Variants in KIF26B observed in about 807,000 individuals in gnomAD.
The protein encoded by KIF26B is kinesin family member 26B, also known as kinesin-like protein KIF26B.
KIF26B carries 63 observed loss-of-function variants against 151.2 expected under a neutral mutation model. That is an observed-to-expected ratio of 0.42 (90% confidence interval 0.34 to 0.51). The LOEUF (loss-of-function observed/expected upper bound fraction) is 0.51. Among genes scored for constraint, KIF26B ranks in the 20% least tolerant of loss-of-function variants. The pLI is 0.07. For synonymous variants in KIF26B, 1,357 were observed against 1,262.1 expected (o/e 1.08, Z -1.59); for missense variants, 2,813 against 2,913.6 (o/e 0.97, Z 0.79).
intron 4 of KIF26B, among the ~76,000 whole-genome samples, chr1:245,459,791 C>T (rs1187624182): frequency 6.6e-6 from 1 of 152,126 alleles, no homozygotes; most frequent in Non-Finnish European, 1.5e-5. Context: ...GGCTTCTTCT[C>T]TCAGTGGTGG....
chr1:245,404,040 C>T, intron 3 of KIF26B, among the ~76,000 whole-genome samples: 1 of 152,272 alleles, frequency 6.6e-6, no homozygotes, highest in African/African-American at 2.4e-5. Context: ...CATTGCCCTA[C>T]ACACATGGAA....
chr1:245,434,835 C>T (rs1334522564), intron 4 of KIF26B, among the ~76,000 whole-genome samples: 2 of 152,180 alleles, frequency 1.3e-5, no homozygotes, highest in Admixed American at 1.3e-4. Flanking sequence ...TATCTTCCTT[C>T]CTTCCCTTCT....
chr1:245,685,451 G>A lies in KIF26B; in HGVS notation c.2468G>A (p.Arg823His), dbSNP rs376166521. Residue 823 changes from arginine (R) to histidine (H), a missense_variant, in exon 12 of 15, where the codon CGC becomes CAC. Around this residue, in one of 3 missense-constraint regions of KIF26B, gnomAD observed 2,060 missense variants for 2,088.6 expected, o/e 0.99. Coordinates refer to ENST00000407071, the MANE Select transcript of KIF26B (RefSeq NM_018012.4). ...GGGGAGAGCTCCTGCGAAGAAGGCC[G>A]CATGCGCAGGCCCACCCAGCTGAGA... Reference protein sequence around the residue: ...SGGESSCEEGRMRRPTQLRPF... With the variant: ...SGGESSCEEGHMRRPTQLRPF... The A allele has an allele frequency of 8.9e-5, 144 of 1,613,530 alleles. 1 individual carries two copies. The South Asian group carries it at 1.4e-3, about 16-fold the overall frequency.
chr1:245,282,420 T>G (rs574663828), intron 2 of KIF26B, among the ~76,000 whole-genome samples: 1 of 152,316 alleles, frequency 6.6e-6, no homozygotes, highest in African/African-American at 2.4e-5. Context: ...ACCTTTGATA[T>G]GCAAATGGAA....
intron 4 of KIF26B, among the ~76,000 whole-genome samples, chr1:245,439,645 A>G (rs1420129054): frequency 6.6e-6 from 1 of 152,220 alleles, no homozygotes. Context: ...AGTAGAATAA[A>G]CGGGAAGAAA....
chr1:245,238,061 G>A (rs963808819), intron 2 of KIF26B, among the ~76,000 whole-genome samples: 9 of 148,096 alleles, frequency 6.1e-5, no homozygotes, highest in African/African-American at 2.3e-4. Flanking sequence ...GGCCAGGCAT[G>A]CTGGCTCATG....
Position 245,218,288 on chromosome 1 carries a change from T to A in KIF26B, c.465+61605T>A, listed in dbSNP as rs1397033913. On this transcript the variant is annotated intron_variant, in intron 2 of 14. Coordinates refer to ENST00000407071, the MANE Select transcript of KIF26B (RefSeq NM_018012.4). The surrounding 1 kb of genome is among the most constrained non-coding windows in gnomAD (Gnocchi z 4.1). ...CCTTAGGGTCCCCTCAGCAGATGGATCCCATCTCCTGGTCTGGTTAGCATA... is the reference window on the plus strand; with the variant it reads ...CCTTAGGGTCCCCTCAGCAGATGGAACCCATCTCCTGGTCTGGTTAGCATA... 6.6e-6 allele frequency among the ~76,000 whole-genome samples: 1 copy of A among 152,120 alleles called. No individual in the cohort carries two copies. Among genetic ancestry groups the A allele is most frequent in the African/African-American group, 2.4e-5 (1 of 41,490 alleles).
intron 2 of KIF26B, among the ~76,000 whole-genome samples, chr1:245,210,178 G>A (rs1349703785): frequency 6.6e-6 from 1 of 152,170 alleles, no homozygotes; most frequent in Non-Finnish European, 1.5e-5. Flanking sequence ...CTCCCAGTCA[G>A]CCCACCCCCA....
intron 2 of KIF26B, among the ~76,000 whole-genome samples, chr1:245,355,610 A>AAAG (rs896551223): frequency 5.6e-5 from 7 of 125,970 alleles, no homozygotes; most frequent in East Asian, 2.0e-4. Context: ...AAAAAAAAAA[A>AAAG]AAGAAGAAGA....
intron 3 of KIF26B, among the ~76,000 whole-genome samples, chr1:245,373,402 C>A (rs1453333716): frequency 1.3e-5 from 2 of 152,312 alleles, no homozygotes; most frequent in African/African-American, 4.8e-5. Context: ...GTGGAAAGAA[C>A]CTCGCTGGCA....
chr1:245,701,816 T>G (rs974807496), intron 14 of KIF26B, among the ~76,000 whole-genome samples: 6 of 151,982 alleles, frequency 3.9e-5, no homozygotes, highest in African/African-American at 7.3e-5. Context: ...TGTCCACGCC[T>G]CTCCTCCTCG....
chr1:245,653,529 G>A (rs1446318774), intron 10 of KIF26B, among the ~76,000 whole-genome samples: 2 of 152,072 alleles, frequency 1.3e-5, no homozygotes, highest in Non-Finnish European at 2.9e-5. Context: ...TGTGACATAG[G>A]TACTGTAATC....
chr1:245,290,659 C>T (rs977604109), intron 2 of KIF26B, among the ~76,000 whole-genome samples: 2 of 152,164 alleles, frequency 1.3e-5, no homozygotes, highest in African/African-American at 2.4e-5. Context: ...CCTGTTTTAT[C>T]GGCAGGGTGT....
rs1558284700 is a variant in KIF26B, at chr1:245,707,121, AT to A, written c.*4521del. 2 of 152,112 alleles carry A rather than the reference AT, an allele frequency of 1.3e-5. No individual in the cohort carries two copies. Among genetic ancestry groups the A allele is most frequent in the African/African-American group, 4.8e-5 (2 of 41,418 alleles). 9.4% of individuals were successfully genotyped at this position (152,112 alleles called of 1,614,324 possible). On this transcript the variant is annotated 3_prime_UTR_variant, in exon 15 of 15. Transcript: ENST00000407071. ...CATTTAAGCTCATCTTCTCAAAAAAATTTTTTCTGAAAATTCCTGGAAACTA... is the reference window on the plus strand; with the variant it reads ...CATTTAAGCTCATCTTCTCAAAAAAATTTTTCTGAAAATTCCTGGAAACTA...
At chr1:245,691,191 G>C (rs775447878) in intron 12 of KIF26B, among the ~76,000 whole-genome samples, 1 of 152,134 alleles carries the variant, frequency 6.6e-6, no homozygotes, top group Non-Finnish European at 1.5e-5. Flanking sequence ...TTGGTTTGGC[G>C]GTTACAGTGG....
At chr1:245,630,610 A>C (rs889799156) in intron 9 of KIF26B, among the ~76,000 whole-genome samples, 11 of 152,186 alleles carry the variant, frequency 7.2e-5, no homozygotes, top group African/African-American at 2.4e-4. Context: ...GAGTGAGAGC[A>C]TTAGGACAAA....
Position 245,568,184 on chromosome 1 carries a change from CAAAAAAAAAAAAAAAAAA to C in KIF26B, c.1350+27247_1350+27264del, listed in dbSNP as rs61494632. Among the ~76,000 whole-genome samples, 3 of 28,704 alleles carry C rather than the reference CAAAAAAAAAAAAAAAAAA, an allele frequency of 1.0e-4. 1 individual carries two copies. Among genetic ancestry groups the C allele is most frequent in the Admixed American group, 1.5e-3 (2 of 1,294 alleles). The allele number at this position is 28,704 out of a possible 152,430, so 18.8% of individuals were successfully genotyped here. On this transcript the variant is annotated intron_variant, in intron 5 of 14. Coordinates refer to ENST00000407071, the MANE Select transcript of KIF26B (RefSeq NM_018012.4). The stretch of plus-strand genomic sequence containing the variant: ...TGGGCAACAGAGTGAAACTCCATCT[CAAAAAAAAAAAAAAAAAA>C]AAAAAAAAAAAAGAAGCTCTCAAAG...
intron 10 of KIF26B, among the ~76,000 whole-genome samples, chr1:245,672,431 A>G (rs913806503): frequency 3.3e-5 from 5 of 152,194 alleles, no homozygotes; most frequent in African/African-American, 4.8e-5. Context: ...CATCCTCCCA[A>G]ACCAGTCTGA....
intron 2 of KIF26B, among the ~76,000 whole-genome samples, chr1:245,165,110 G>A (rs1668594093): frequency 6.6e-6 from 1 of 151,976 alleles, no homozygotes; most frequent in African/African-American, 2.4e-5. Context: ...TGAGCAAGAA[G>A]ATGGGTTGGA....
Sources: gnomAD v4.1 joint callset for allele counts (sites outside exome capture counted in the v4.1 genomes callset) on GRCh38, gnomAD v4.1.1 for gene constraint, gnomAD v4.1.1 regional missense constraint, Gnocchi (gnomAD v3.1) non-coding constraint, MANE v1.5 for transcripts, NCBI Gene and HGNC (gene_info 2026-07-23, HGNC 2026-07-21) for gene names.